Variants in SORCS2 observed in about 807,000 individuals in gnomAD.
The protein encoded by SORCS2 is sortilin related VPS10 domain containing receptor 2.
Under a neutral mutation model 141.6 loss-of-function variants are expected in SORCS2, and 100 were observed. The observed-to-expected ratio is 0.71, with a 90% confidence interval of 0.60 to 0.83. The LOEUF (loss-of-function observed/expected upper bound fraction) is 0.83, where lower values mean the gene tolerates loss of function less well. Among genes scored for constraint, SORCS2 ranks in the 40% least tolerant of loss-of-function variants. SORCS2 has a pLI of 0.00. For synonymous variants in SORCS2, 789 were observed against 676.9 expected (o/e 1.17, Z -2.57); for missense variants, 1,646 against 1,560.2 (o/e 1.05, Z -0.93).
At chr4:7,357,375 C>T (rs1257803757) in intron 1 of SORCS2, among the ~76,000 whole-genome samples, 1 of 152,202 alleles carries the variant, frequency 6.6e-6, no homozygotes, top group Non-Finnish European at 1.5e-5. Context: ...AGGGAGAGAG[C>T]AGATGACAGA....
intron 23 of SORCS2, among the ~76,000 whole-genome samples, chr4:7,731,942 T>G (rs187254510): frequency 9.1e-4 from 138 of 152,134 alleles, no homozygotes; most frequent in African/African-American, 3.2e-3. Flanking sequence ...AACGCAAAAA[T>G]AGACAAACAG....
chr4:7,695,292 TTGGATGGGTGAGTGAATG>T (rs1724529438), intron 11 of SORCS2, among the ~76,000 whole-genome samples: 1 of 31,372 alleles, frequency 3.2e-5, no homozygotes. Context: ...GGATGGATGG[TTGGATGGGTGAGTGAATG>T]GGTGGGTGGG....
intron 2 of SORCS2, among the ~76,000 whole-genome samples, chr4:7,411,276 A>G (rs1175720756): frequency 1.3e-5 from 2 of 151,830 alleles, no homozygotes; most frequent in Non-Finnish European, 2.9e-5. Flanking sequence ...CTTGACTTTA[A>G]TACCTGCCCT....
intron 2 of SORCS2, among the ~76,000 whole-genome samples, chr4:7,405,610 A>G (rs1724916682): frequency 6.6e-6 from 1 of 152,008 alleles, no homozygotes; most frequent in Non-Finnish European, 1.5e-5. Flanking sequence ...GCTATTTTAA[A>G]TGGGATTGCC....
chr4:7,506,065 A>T (rs1333952884), intron 2 of SORCS2, among the ~76,000 whole-genome samples: 2 of 152,152 alleles, frequency 1.3e-5, no homozygotes, highest in Non-Finnish European at 2.9e-5. Context: ...TAGGGGCACT[A>T]ATCTGGGGTG....
intron 18 of SORCS2, among the ~76,000 whole-genome samples, chr4:7,718,491 C>T (rs1726356271): frequency 6.6e-6 from 1 of 152,126 alleles, no homozygotes; most frequent in Admixed American, 6.5e-5. Flanking sequence ...TAGTTACTGG[C>T]CTTGGTATAA....
chr4:7,237,625 G>A (rs549355737), intron 1 of SORCS2, among the ~76,000 whole-genome samples: 1 of 152,126 alleles, frequency 6.6e-6, no homozygotes, highest in Non-Finnish European at 1.5e-5. Flanking sequence ...GCCTTATTGA[G>A]GAAAGCAGAC....
intron 3 of SORCS2, among the ~76,000 whole-genome samples, chr4:7,581,887 G>A (rs1716181413): frequency 6.6e-6 from 1 of 152,112 alleles, no homozygotes; most frequent in Non-Finnish European, 1.5e-5. Flanking sequence ...TAGAAATGGT[G>A]TTTTTAAATT....
At position 7,235,860 on chromosome 4, in the gene SORCS2, G is replaced by A. The variant is rs145097689; in HGVS notation, c.480+42734G>A. 1.8e-3 allele frequency among the ~76,000 whole-genome samples: 275 copies of A among 152,306 alleles called. 4 individuals are homozygous for A. The East Asian group carries it at 0.038, about 21-fold the overall frequency. ...TCCCGGGCAGCTTATCGTGGCAGGCGATGTTGCTAGCGCTGCAATTCCATT... is the reference window on the plus strand; with the variant it reads ...TCCCGGGCAGCTTATCGTGGCAGGCAATGTTGCTAGCGCTGCAATTCCATT... On this transcript the variant is annotated intron_variant, in intron 1 of 26. Transcript: ENST00000507866.
chr4:7,486,500 C>A (rs756266339), intron 2 of SORCS2, among the ~76,000 whole-genome samples: 68 of 152,188 alleles, frequency 4.5e-4, no homozygotes, highest in Non-Finnish European at 8.5e-4. Flanking sequence ...CCTGTTCCTG[C>A]GGGACCCGAG....
chr4:7,370,716 A>G (rs963841646), intron 1 of SORCS2, among the ~76,000 whole-genome samples: 4 of 152,118 alleles, frequency 2.6e-5, no homozygotes, highest in African/African-American at 7.2e-5. Flanking sequence ...AGCCCTGACA[A>G]TGCCCTCCTG....
At chr4:7,609,629 C>G (rs575667256) in intron 3 of SORCS2, among the ~76,000 whole-genome samples, 4 of 152,246 alleles carry the variant, frequency 2.6e-5, no homozygotes, top group Non-Finnish European at 5.9e-5. Flanking sequence ...GGCCTAGGGC[C>G]TGGCACATAA....
chr4:7,403,055 T>A (rs911762196), intron 2 of SORCS2, among the ~76,000 whole-genome samples: 1 of 152,200 alleles, frequency 6.6e-6, no homozygotes, highest in African/African-American at 2.4e-5. Context: ...TAAGGAGGTT[T>A]CCTCCTAAGA....
chr4:7,519,159 C>T lies in SORCS2; in HGVS notation c.549-12371C>T, dbSNP rs186471733. 3.4e-4 allele frequency among the ~76,000 whole-genome samples: 52 copies of T among 152,294 alleles called. No homozygotes were observed. In the East Asian group the frequency reaches 8.5e-3, roughly 25 times the overall value. On this transcript the variant is annotated intron_variant, in intron 2 of 26. Transcript: ENST00000507866. ...TGGAGGTTGACAAGGCTCTGCATGC[C>T]GAGGGGAGCACCGGCAGCTCTGCCT...
chr4:7,285,991 G>A (rs1271295735), intron 1 of SORCS2, among the ~76,000 whole-genome samples: 1 of 152,138 alleles, frequency 6.6e-6, no homozygotes. Flanking sequence ...TAATCAGCAC[G>A]GCGGCCGGCA....
At chr4:7,721,476 T>A (rs981802447) in intron 18 of SORCS2, among the ~76,000 whole-genome samples, 3 of 151,820 alleles carry the variant, frequency 2.0e-5, no homozygotes, top group African/African-American at 4.8e-5. Context: ...AAAAAAAAAA[T>A]AATAGTAATA....
chr4:7,632,371 T>C (rs528631489), intron 3 of SORCS2, among the ~76,000 whole-genome samples: 1 of 152,270 alleles, frequency 6.6e-6, no homozygotes, highest in Non-Finnish European at 1.5e-5. Context: ...AAATACACCA[T>C]TTAAAATAGA....
At chr4:7,499,381 C>T (rs1037954272) in intron 2 of SORCS2, among the ~76,000 whole-genome samples, 17 of 152,140 alleles carry the variant, frequency 1.1e-4, no homozygotes, top group African/African-American at 4.1e-4. Flanking sequence ...GGGAAGGGCA[C>T]AGACTTGTTC....
intron 14 of SORCS2, 150 bp downstream of exon 14, chr4:7,704,434 C>A: frequency 1.4e-6 from 1 of 700,398 alleles, no homozygotes; most frequent in Non-Finnish European, 2.3e-6. Flanking sequence ...GAGGACAGGA[C>A]CGAGGCTCCA....
Sources: gnomAD v4.1 joint callset for allele counts (sites outside exome capture counted in the v4.1 genomes callset) on GRCh38, gnomAD v4.1.1 for gene constraint, MANE v1.5 for transcripts, NCBI Gene and HGNC (gene_info 2026-07-23, HGNC 2026-07-21) for gene names.